AP1M1: variants seen among roughly 807,000 people sequenced by gnomAD.
AP1M1 encodes the protein AP-1 complex subunit mu-1.
A neutral mutation model predicts 57.1 loss-of-function variants in AP1M1; 18 were observed. The observed-to-expected ratio is 0.32, with a 90% CI of 0.22 to 0.47. The LOEUF (loss-of-function observed/expected upper bound fraction) is 0.47, where lower values mean the gene tolerates loss of function less well. Among genes scored for constraint, AP1M1 ranks in the 20% least tolerant of loss-of-function variants. The probability of loss-of-function intolerance (pLI) is 1.00; values close to 1 mark genes in which losing one functional copy is unlikely to be tolerated. For synonymous variants in AP1M1, 241 were observed against 237.9 expected (o/e 1.01, Z -0.12); for missense variants, 362 against 593.5 (o/e 0.61, Z 4.05).
At chr19:16,232,805 C>T (rs1009884526) in intron 9 of AP1M1, among the ~76,000 whole-genome samples, 9 of 152,326 alleles carry the variant, frequency 5.9e-5, no homozygotes, top group Admixed American at 3.3e-4. Context: ...GATCGTGCCC[C>T]CGACTGCTCA....
rs1057064560 is a variant in AP1M1, at chr19:16,237,835, C to T, written c.*3400C>T. On this transcript the variant is annotated 3_prime_UTR_variant, in exon 12 of 12. Coordinates refer to ENST00000291439, the MANE Select transcript of AP1M1 (RefSeq NM_032493.4). ...TAGATGCTATTTGCATCATGTCGGC[C>T]CCCCCCAAAAAAATTTTTTTTTTTG... 1.3e-5 allele frequency: 2 copies of T among 151,872 alleles called. No homozygotes were observed. Among genetic ancestry groups the T allele is most frequent in the African/African-American group, 2.4e-5 (1 of 41,340 alleles). 9.4% of individuals were successfully genotyped at this position (151,872 alleles called of 1,614,324 possible). A position where few individuals can be genotyped will look rare whatever the true frequency, so the allele number is the denominator to read the frequency against.
chr19:16,226,825 C>A (rs1341743728), intron 6 of AP1M1: 3 of 335,230 alleles, frequency 8.9e-6, no homozygotes, highest in Non-Finnish European at 1.6e-5. Flanking sequence ...GCCTGGGGCA[C>A]TGGGGCCTAG....
At position 16,221,640 on chromosome 19, in the gene AP1M1, A is replaced by C. The variant is rs577677204; in HGVS notation, c.547-4781A>C. ...AAGTACAAGGACACAGAATGTACTC[A>C]TTCCCTTATATCTAACATCCTTTAT... On this transcript the variant is annotated intron_variant, in intron 5 of 11. Coordinates refer to ENST00000291439, the MANE Select transcript of AP1M1 (RefSeq NM_032493.4). 3.3e-5 allele frequency among the ~76,000 whole-genome samples: 5 copies of C among 152,378 alleles called. No homozygotes were observed. In the East Asian group the frequency reaches 9.6e-4, roughly 29 times the overall value.
intron 5 of AP1M1, among the ~76,000 whole-genome samples, chr19:16,218,620 G>T (rs1026475381): frequency 2.0e-5 from 3 of 152,196 alleles, no homozygotes; most frequent in African/African-American, 7.2e-5. Context: ...GAGTGCACCT[G>T]TCTGCACAGT....
chr19:16,208,796 C>G, intron 4 of AP1M1: 1 of 471,154 alleles, frequency 2.1e-6, no homozygotes, highest in South Asian at 3.5e-5. Context: ...AGCACTTCAG[C>G]CTCTATAACT....
At position 16,203,307 on chromosome 19, in the gene AP1M1, C is replaced by A. The variant is rs886105746; in HGVS notation, c.43-152C>A. ...CAGGAATTCCCTGGGGGATGGAGAT[C>A]AGAACGGCCTCAAGTCCTGCTCTTT... On this transcript the variant is annotated intron_variant, in intron 1 of 11. Transcript: ENST00000291439. The surrounding 1 kb of genome is among the most constrained non-coding windows in gnomAD (Gnocchi z 4.6). 1.4e-6 allele frequency: 1 copy of A among 721,872 alleles called. No individual in the cohort carries two copies. Among genetic ancestry groups the A allele is most frequent in the East Asian group, 2.7e-5 (1 of 36,832 alleles). The allele number at this position is 721,872 out of a possible 1,614,324, so 44.7% of individuals were successfully genotyped here.
Position 16,228,308 on chromosome 19 carries a change from G to A in AP1M1, c.888+100G>A. 8.2e-7 allele frequency: 1 copy of A among 1,225,106 alleles called. No individual in the cohort carries two copies. The highest frequency in any genetic ancestry group is 1.2e-6 in the Non-Finnish European group (1 of 856,096). 75.9% of individuals were successfully genotyped at this position (1,225,106 alleles called of 1,614,324 possible). ...GGGGTGCCGTAGGGCTGCCATCCGT[G>A]CACCCTCACTGTGGCCTCAGATGCA... On this transcript the variant is annotated intron_variant, in intron 8 of 11. Coordinates refer to ENST00000291439, the MANE Select transcript of AP1M1 (RefSeq NM_032493.4). This position sits in a 1 kb window ranked among gnomAD's most constrained non-coding sequence, Gnocchi z 5.0.
At chr19:16,198,205 T>G (rs931694494) in intron 1 of AP1M1, 137 bp downstream of exon 1, 2 of 856,336 alleles carry the variant, frequency 2.3e-6, no homozygotes, top group African/African-American at 3.6e-5. Flanking sequence ...AGACCTCACC[T>G]GAGAGCCCCA....
Position 16,203,652 on chromosome 19 carries a change from G to C in AP1M1, c.199+37G>C. 1.3e-6 allele frequency: 2 copies of C among 1,571,852 alleles called. No homozygotes were observed. The highest frequency in any genetic ancestry group is 1.7e-6 in the Non-Finnish European group (2 of 1,156,976). On this transcript the variant is annotated intron_variant, in intron 2 of 11. Transcript: ENST00000291439. The surrounding 1 kb of genome is among the most constrained non-coding windows in gnomAD (Gnocchi z 4.6). ...CTGGGGGTGCTCCCAGGGGACTCCT[G>C]TGTGGGTGTTGGTGTGTGTGCATAT...
At position 16,242,706 on chromosome 19, in the gene AP1M1, A is replaced by T. The variant is rs1439778750; in HGVS notation, c.*8271A>T. On this transcript the variant is annotated 3_prime_UTR_variant, in exon 12 of 12. Transcript: ENST00000291439. ...ATTAAAAGATGCCAAAAGAAATCTCATATGGTTATATTAATTCCAGACAGA... is the reference window on the plus strand; with the variant it reads ...ATTAAAAGATGCCAAAAGAAATCTCTTATGGTTATATTAATTCCAGACAGA... 6.6e-6 allele frequency: 1 copy of T among 152,242 alleles called. No homozygotes were observed. The highest frequency in any genetic ancestry group is 2.4e-5 in the African/African-American group (1 of 41,474). 9.4% of individuals were successfully genotyped at this position (152,242 alleles called of 1,614,324 possible).
intron 5 of AP1M1, 39 bp downstream of exon 5, chr19:16,209,216 C>T: frequency 6.2e-7 from 1 of 1,606,082 alleles, no homozygotes; most frequent in Non-Finnish European, 8.5e-7. Flanking sequence ...AGGGTTTTAT[C>T]TCTTCCACGA....
At position 16,209,121 on chromosome 19, in the gene AP1M1, A is replaced by T; in HGVS notation, c.490A>T (p.Ile164Phe). 1 of 1,614,266 alleles carries T rather than the reference A, an allele frequency of 6.2e-7. No individual in the cohort carries two copies. Among genetic ancestry groups the T allele is most frequent in the Non-Finnish European group, 8.5e-7 (1 of 1,180,044 alleles). ...CGCGGTGTCCTGGCGGTCCGAAGGC[A>T]TCAAGTATCGGAAGAATGAGGTGTT... ...TNAVSWRSEGIKYRKNEVFLD... is the reference protein window; with the variant it reads ...TNAVSWRSEGFKYRKNEVFLD... Residue 164 changes from isoleucine to phenylalanine, a missense_variant, in exon 5 of 12, where the codon ATC becomes TTC. By Grantham distance (21) the Ile-to-Phe change is conservative. Transcript: ENST00000291439.
intron 6 of AP1M1, among the ~76,000 whole-genome samples, chr19:16,226,903 G>A (rs370152446): frequency 7.9e-5 from 12 of 152,288 alleles, no homozygotes; most frequent in African/African-American, 2.9e-4. Flanking sequence ...GGTGTGGGCC[G>A]TGTGAAGGCC....
intron 6 of AP1M1, among the ~76,000 whole-genome samples, chr19:16,226,932 T>C (rs1419312443): frequency 6.6e-6 from 1 of 152,068 alleles, no homozygotes; most frequent in Non-Finnish European, 1.5e-5. Context: ...TGATTCTCGC[T>C]CCCGCCGCCT....
intron 1 of AP1M1, among the ~76,000 whole-genome samples, chr19:16,202,085 C>T (rs910020121): frequency 2.0e-5 from 3 of 152,180 alleles, no homozygotes; most frequent in Non-Finnish European, 4.4e-5. Context: ...CTCAACACGT[C>T]ATCACCTGCC....
rs894499737 is a variant in AP1M1, at chr19:16,238,425, A to G, written c.*3990A>G. 6 of 152,226 alleles carry G rather than the reference A, an allele frequency of 3.9e-5. No individual in the cohort carries two copies. The highest frequency in any genetic ancestry group is 9.6e-5 in the African/African-American group (4 of 41,466). The allele number at this position is 152,226 out of a possible 1,614,324, so 9.4% of individuals were successfully genotyped here. A position where few individuals can be genotyped will look rare whatever the true frequency, so the allele number is the denominator to read the frequency against. On this transcript the variant is annotated 3_prime_UTR_variant, in exon 12 of 12. Transcript: ENST00000291439. ...GATTACAGCAGTGAAAATGAATTCAACTAGAGCAGTGATATGGCTCAGAAT... is the reference window on the plus strand; with the variant it reads ...GATTACAGCAGTGAAAATGAATTCAGCTAGAGCAGTGATATGGCTCAGAAT...
chr19:16,211,502 G>T (rs1440401054), intron 5 of AP1M1, among the ~76,000 whole-genome samples: 3 of 152,186 alleles, frequency 2.0e-5, no homozygotes, highest in Admixed American at 1.3e-4. Context: ...GTTGGCTATG[G>T]ATTTGTCATA....
intron 9 of AP1M1, among the ~76,000 whole-genome samples, chr19:16,229,382 T>C (rs909078170): frequency 2.6e-5 from 4 of 152,252 alleles, no homozygotes; most frequent in African/African-American, 4.8e-5. Flanking sequence ...CAGCCGCCCA[T>C]GTCCTGGGCC....
In AP1M1 at chr19:16,228,015, T is replaced by C; in HGVS notation, c.817-122T>C. 9.4e-7 allele frequency: 1 copy of C among 1,065,044 alleles called. No homozygotes were observed. Among genetic ancestry groups the C allele is most frequent in the Non-Finnish European group, 1.4e-6 (1 of 716,174 alleles). The allele number at this position is 1,065,044 out of a possible 1,614,324, so 66.0% of individuals were successfully genotyped here. A position where few individuals can be genotyped will look rare whatever the true frequency, so the allele number is the denominator to read the frequency against. On this transcript the variant is annotated intron_variant, in intron 7 of 11. Transcript: ENST00000291439. This position sits in a 1 kb window ranked among gnomAD's most constrained non-coding sequence, Gnocchi z 5.0. ...TCCCTGACGCTGGCTGTACGCTCCC[T>C]GCAGGGCTCTGGGCCCACACCTGGG...
Sources: allele counts gnomAD v4.1 joint callset (sites outside exome capture counted in the v4.1 genomes callset), GRCh38; gene constraint gnomAD v4.1.1; non-coding constraint Gnocchi (gnomAD v3.1); transcripts MANE v1.5; gene names NCBI Gene and HGNC (gene_info 2026-07-23, HGNC 2026-07-21).